GRB10: variants seen among roughly 807,000 people sequenced by gnomAD.
GRB10 encodes growth factor receptor-bound protein 10.
GRB10 carries 20 observed loss-of-function variants against 80.9 expected under a neutral mutation model. That is an observed-to-expected ratio of 0.25 (90% CI 0.17 to 0.36). The LOEUF (loss-of-function observed/expected upper bound fraction) is 0.36, where lower values mean the gene tolerates loss of function less well. GRB10 is among the 10% of genes least tolerant of loss of function. The probability of loss-of-function intolerance (pLI) is 1.00; values close to 1 mark genes in which losing one functional copy is unlikely to be tolerated. For missense variants in GRB10, 548 were observed against 747.7 expected (o/e 0.73, Z 3.12); for synonymous variants, 291 against 291.5 (o/e 1.00, Z 0.02).
intron 3 of GRB10, 53 bp downstream of exon 3, chr7:50,755,834 C>T (rs181646427): frequency 4.5e-5 from 18 of 398,656 alleles, no homozygotes; most frequent in East Asian, 3.9e-4. Context: ...ACTGAACAGG[C>T]GACTCTCCTG....
intron 8 of GRB10, among the ~76,000 whole-genome samples, chr7:50,624,612 G>T (rs2052537984): frequency 6.6e-6 from 1 of 152,174 alleles, no homozygotes; most frequent in Admixed American, 6.5e-5. Context: ...GAGTCCTGGG[G>T]GTACTGACCT....
At chr7:50,612,941 T>A in intron 12 of GRB10, 102 bp from the exon 13 acceptor site, 2 of 760,916 alleles carry the variant, frequency 2.6e-6, no homozygotes, top group Non-Finnish European at 4.7e-6. Flanking sequence ...GACAACCAGC[T>A]GGAGATCCCC....
intron 3 of GRB10, among the ~76,000 whole-genome samples, chr7:50,751,159 G>A (rs982241657): frequency 1.3e-5 from 2 of 152,014 alleles, no homozygotes; most frequent in Non-Finnish European, 2.9e-5. Context: ...CTCTGTATCA[G>A]GCCAGAGCTC....
chr7:50,781,754 G>T lies in GRB10; in HGVS notation c.-327+670C>A, dbSNP rs535480166. 2.0e-5 allele frequency among the ~76,000 whole-genome samples: 3 copies of T among 152,362 alleles called. No homozygotes were observed. In the East Asian group the frequency reaches 5.8e-4, roughly 29 times the overall value. On this transcript the variant is annotated intron_variant, in intron 1 of 18. Transcript: ENST00000401949. ...GGTGATCCGATTGTTTTTCTAAAGA[G>T]CAAGGGCTAGGACGTCCTACGTGTT...
In GRB10 at chr7:50,718,006, A is replaced by C. The variant is rs566920214; in HGVS notation, c.52-14098T>G. 3.7e-4 allele frequency among the ~76,000 whole-genome samples: 56 copies of C among 152,362 alleles called. 1 individual carries two copies. Among genetic ancestry groups the C allele is most frequent in the Non-Finnish European group, 8.8e-5 (6 of 68,030 alleles). Reference sequence around the variant, plus strand: ...CTCCTCTGTCACTCCAGGGAGTCCAAAGGGCCCTGGGCGCCCAGCAAAGGG... The same window carrying C: ...CTCCTCTGTCACTCCAGGGAGTCCACAGGGCCCTGGGCGCCCAGCAAAGGG... On this transcript the variant is annotated intron_variant, in intron 4 of 18. Coordinates refer to ENST00000401949, the MANE Select transcript of GRB10 (RefSeq NM_001350814.2).
chr7:50,756,219 A>C (rs2075057086), intron 2 of GRB10, among the ~76,000 whole-genome samples, 163 bp from the exon 3 acceptor site: 1 of 152,220 alleles, frequency 6.6e-6, no homozygotes. Flanking sequence ...GACGTGACTA[A>C]GTAAGATGTA....
At chr7:50,704,062 A>C (rs2064662332) in intron 4 of GRB10, among the ~76,000 whole-genome samples, 154 bp from the exon 5 acceptor site, 1 of 152,224 alleles carries the variant, frequency 6.6e-6, no homozygotes, top group South Asian at 2.1e-4. Flanking sequence ...TAGTTGTTGA[A>C]AACAGACTGC....
chr7:50,694,632 A>G (rs1383920837), intron 5 of GRB10, among the ~76,000 whole-genome samples: 1 of 152,054 alleles, frequency 6.6e-6, no homozygotes, highest in Non-Finnish European at 1.5e-5. Context: ...TCCCTCACCT[A>G]CCCACAGGCT....
At chr7:50,718,136 G>A (rs977637652) in intron 4 of GRB10, among the ~76,000 whole-genome samples, 1 of 152,210 alleles carries the variant, frequency 6.6e-6, no homozygotes, top group Admixed American at 6.5e-5. Context: ...GAGGCTTGCG[G>A]AACTGTGTCC....
intron 17 of GRB10, 53 bp from the exon 18 acceptor site, chr7:50,595,583 TCA>T (rs900246133): frequency 2.8e-4 from 182 of 644,306 alleles, no homozygotes; most frequent in East Asian, 4.7e-4. Flanking sequence ...CTGGAACTAA[TCA>T]CACACACACA....
intron 17 of GRB10, 84 bp downstream of exon 17, chr7:50,603,914 G>T: frequency 1.8e-6 from 2 of 1,108,934 alleles, no homozygotes; most frequent in South Asian, 1.2e-5. Context: ...GTCCAGCAAG[G>T]ATGTCTGAGG....
chr7:50,651,332 T>C (rs2057983585), intron 7 of GRB10, among the ~76,000 whole-genome samples: 1 of 152,350 alleles, frequency 6.6e-6, no homozygotes, highest in East Asian at 1.9e-4. Flanking sequence ...ACTTCTGGCC[T>C]CTCCTGGAGG....
intron 7 of GRB10, among the ~76,000 whole-genome samples, chr7:50,633,411 A>G (rs75532911): frequency 0.07 from 10,638 of 152,236 alleles, 1,220 homozygotes; most frequent in African/African-American, 0.24. Context: ...GGGAGGGAAG[A>G]AAAAATACCA....
At chr7:50,752,174 G>T (rs976142280) in intron 3 of GRB10, among the ~76,000 whole-genome samples, 2 of 151,768 alleles carry the variant, frequency 1.3e-5, no homozygotes, top group Non-Finnish European at 3.0e-5. Context: ...AGAAGAATGT[G>T]AGAGGGCTCT....
chr7:50,765,986 A>G (rs1236041829), intron 2 of GRB10, among the ~76,000 whole-genome samples: 1 of 152,222 alleles, frequency 6.6e-6, no homozygotes, highest in African/African-American at 2.4e-5. Flanking sequence ...TAATTAGTTA[A>G]TTCCGCAGAG....
intron 11 of GRB10, 40 bp downstream of exon 11, chr7:50,616,170 G>A (rs1319967990): frequency 1.5e-5 from 25 of 1,613,522 alleles, no homozygotes; most frequent in Non-Finnish European, 2.0e-5. Context: ...GAGTGACTGT[G>A]GCAGAATTAG....
intron 4 of GRB10, 45 bp from the exon 5 acceptor site, chr7:50,703,953 A>T (rs905944645): frequency 1.5e-6 from 2 of 1,341,970 alleles, no homozygotes; most frequent in African/African-American, 2.9e-5. Flanking sequence ...GTTCACAAGA[A>T]GCATCCCACT....
chr7:50,733,069 G>A (rs998761095), intron 3 of GRB10, among the ~76,000 whole-genome samples: 3 of 152,198 alleles, frequency 2.0e-5, no homozygotes, highest in Admixed American at 2.0e-4. Flanking sequence ...GACTGTATTT[G>A]GAAGGAGGGT....
At chr7:50,620,740 T>C (rs2051561055) in intron 8 of GRB10, among the ~76,000 whole-genome samples, 1 of 152,018 alleles carries the variant, frequency 6.6e-6, no homozygotes, top group East Asian at 1.9e-4. Context: ...CTCCCCATGA[T>C]AGAAAAAGAG....
Sources: gnomAD v4.1 joint callset for allele counts (sites outside exome capture counted in the v4.1 genomes callset) on GRCh38, gnomAD v4.1.1 for gene constraint, MANE v1.5 for transcripts, NCBI Gene and HGNC (gene_info 2026-07-23, HGNC 2026-07-21) for gene names.